The following KCNMB2 variants were observed in gnomAD, a reference collection of about 807,000 sequenced individuals.
The protein encoded by KCNMB2 is potassium calcium-activated channel subfamily M regulatory beta subunit 2.
Under a neutral mutation model 24.5 loss-of-function variants are expected in KCNMB2, and 9 were observed. That is an observed-to-expected ratio of 0.37 (90% CI 0.22 to 0.64). The LOEUF is 0.64. KCNMB2 is among the 30% of genes least tolerant of loss of function. The pLI is 0.63. For synonymous variants in KCNMB2, 109 were observed against 104.4 expected (o/e 1.04, Z -0.27); for missense variants, 226 against 284.3 (o/e 0.79, Z 1.47).
At chr3:178,758,383 GAT>G (rs1191555948) in intron 1 of KCNMB2, among the ~76,000 whole-genome samples, 12 of 3,774 alleles carry the variant, frequency 3.2e-3, no homozygotes, top group Admixed American at 8.8e-3. Context: ...TCCAAGAGGG[GAT>G]ACATATATAT....
intron 1 of KCNMB2, among the ~76,000 whole-genome samples, chr3:178,587,601 G>GTTTTTT (rs764417885): frequency 1.5e-5 from 2 of 133,086 alleles, no homozygotes; most frequent in African/African-American, 5.7e-5. Flanking sequence ...TTTTTTGGGT[G>GTTTTTT]GTTTTTTTTT....
chr3:178,568,886 A>AGATG (rs1716662819), intron 1 of KCNMB2, among the ~76,000 whole-genome samples: 1 of 147,636 alleles, frequency 6.8e-6, no homozygotes, highest in Non-Finnish European at 1.5e-5. Context: ...ATAGATAGAT[A>AGATG]GATAGATAGA....
chr3:178,649,042 A>T (rs1577071389), intron 1 of KCNMB2, among the ~76,000 whole-genome samples: 2 of 152,084 alleles, frequency 1.3e-5, no homozygotes, highest in African/African-American at 4.8e-5. Context: ...GGTATTGCCC[A>T]TTTTTCCTAG....
At chr3:178,837,612 C>T (rs1326485594) in intron 4 of KCNMB2, among the ~76,000 whole-genome samples, 1 of 152,258 alleles carries the variant, frequency 6.6e-6, no homozygotes, top group East Asian at 1.9e-4. Context: ...GAGCTAAAAA[C>T]ACCAGGGCAG....
intron 1 of KCNMB2, among the ~76,000 whole-genome samples, chr3:178,647,675 C>T (rs9824747): frequency 0.52 from 78,741 of 151,980 alleles, 21,112 homozygotes; most frequent in African/African-American, 0.67. Flanking sequence ...GGCTTCCCTT[C>T]ATGATTTTTG....
intron 1 of KCNMB2, among the ~76,000 whole-genome samples, chr3:178,544,952 C>T (rs961223526): frequency 2.6e-5 from 4 of 152,136 alleles, no homozygotes; most frequent in Non-Finnish European, 5.9e-5. Context: ...TATATGCCCT[C>T]CTCCTTACCC....
intron 1 of KCNMB2, among the ~76,000 whole-genome samples, chr3:178,610,120 G>A (rs1052869457): frequency 2.0e-5 from 3 of 152,130 alleles, no homozygotes; most frequent in Admixed American, 6.5e-5. Context: ...TCTCTATGTT[G>A]TTCCATTGGT....
chr3:178,774,354 G>C (rs1371352927), intron 1 of KCNMB2, among the ~76,000 whole-genome samples: 2 of 152,204 alleles, frequency 1.3e-5, no homozygotes. Context: ...GACAGGATAG[G>C]AAACATATCT....
At chr3:178,678,782 G>A (rs1294180010) in intron 1 of KCNMB2, among the ~76,000 whole-genome samples, 2 of 152,188 alleles carry the variant, frequency 1.3e-5, no homozygotes, top group South Asian at 2.1e-4. Context: ...CTAGAATAAC[G>A]TGGGGAGCAT....
At chr3:178,760,444 TTATA>T (rs1210710601) in intron 1 of KCNMB2, among the ~76,000 whole-genome samples, 2 of 141,696 alleles carry the variant, frequency 1.4e-5, no homozygotes, top group Non-Finnish European at 3.0e-5. Context: ...GATATATATA[TTATA>T]TATATATCCA....
At chr3:178,773,191 A>G (rs1261600706) in intron 1 of KCNMB2, among the ~76,000 whole-genome samples, 1 of 152,140 alleles carries the variant, frequency 6.6e-6, no homozygotes, top group Non-Finnish European at 1.5e-5. Context: ...AGAAAGGCCT[A>G]TCGTCCTCCC....
chr3:178,788,016 A>T (rs111817434), intron 1 of KCNMB2, among the ~76,000 whole-genome samples: 3,168 of 152,274 alleles, frequency 0.021, 115 homozygotes, highest in African/African-American at 0.072. Context: ...CTAGAGAAGT[A>T]TCTCACATTT....
At chr3:178,806,566 G>C (rs189924732) in intron 1 of KCNMB2, among the ~76,000 whole-genome samples, 4 of 151,718 alleles carry the variant, frequency 2.6e-5, no homozygotes, top group Non-Finnish European at 4.4e-5. Flanking sequence ...TATGATTAAG[G>C]CTTTTTTATT....
intron 1 of KCNMB2, among the ~76,000 whole-genome samples, chr3:178,694,806 A>C (rs1428442392): frequency 6.6e-6 from 1 of 152,168 alleles, no homozygotes; most frequent in Non-Finnish European, 1.5e-5. Context: ...AGCTGCTTTC[A>C]CAGGCTAGTG....
chr3:178,818,917 T>G (rs111924609), intron 2 of KCNMB2, among the ~76,000 whole-genome samples: 1 of 86,562 alleles, frequency 1.2e-5, no homozygotes, highest in Admixed American at 1.1e-4. Flanking sequence ...TCTCTTATAT[T>G]CTGCCTGGAT....
chr3:178,596,036 C>T (rs1342175408), intron 1 of KCNMB2, among the ~76,000 whole-genome samples: 2 of 152,044 alleles, frequency 1.3e-5, no homozygotes, highest in African/African-American at 2.4e-5. Context: ...TGTCTGGACT[C>T]AGCTTGAGAG....
chr3:178,561,210 C>A (rs1716303741), intron 1 of KCNMB2, among the ~76,000 whole-genome samples: 3 of 152,076 alleles, frequency 2.0e-5, no homozygotes, highest in Non-Finnish European at 4.4e-5. Flanking sequence ...TGAACAGGAA[C>A]AAGATGGCAT....
chr3:178,814,835 G>T (rs1255712092), intron 2 of KCNMB2, among the ~76,000 whole-genome samples: 1 of 151,974 alleles, frequency 6.6e-6, no homozygotes, highest in African/African-American at 2.4e-5. Context: ...TCTCCTTGTT[G>T]ATTTGTTTAA....
At chr3:178,575,534 G>A (rs768228434) in intron 1 of KCNMB2, among the ~76,000 whole-genome samples, 5 of 152,166 alleles carry the variant, frequency 3.3e-5, no homozygotes, top group Admixed American at 1.3e-4. Flanking sequence ...TAATTTTGCT[G>A]TGATTTCTAC....
Sources: gnomAD v4.1 joint callset for allele counts (sites outside exome capture counted in the v4.1 genomes callset) on GRCh38, gnomAD v4.1.1 for gene constraint, MANE v1.5 for transcripts, NCBI Gene and HGNC (gene_info 2026-07-23, HGNC 2026-07-21) for gene names.